The following GATC variants were observed in gnomAD, a reference collection of about 807,000 sequenced individuals.
The protein encoded by GATC is glutamyl-tRNA amidotransferase subunit C.
In GATC, 11 loss-of-function variants were observed where a neutral mutation model predicts 14.4. The ratio of observed to expected loss-of-function variants is 0.77; its 90% CI spans 0.48 to 1.27. The LOEUF (loss-of-function observed/expected upper bound fraction) is 1.27, where lower values mean the gene tolerates loss of function less well. GATC is among the 50% of genes most tolerant of loss of function. GATC has a pLI of 0.00. For missense variants in GATC, 204 were observed against 183.0 expected (o/e 1.11, Z -0.66); for synonymous variants, 76 against 79.3 (o/e 0.96, Z 0.22).
chr12:120,458,263 G>A (rs1389869534), intron 3 of GATC, among the ~76,000 whole-genome samples: 2 of 151,652 alleles, frequency 1.3e-5, no homozygotes, highest in African/African-American at 2.4e-5. Flanking sequence ...TAATATTTTT[G>A]TATTTTTAGT....
In GATC at chr12:120,461,861, A is replaced by G; in HGVS notation, c.*1902A>G. ...CAGTTTAAAATGTTTCACTGCTAAT[A>G]TGGCCCTGGTAGAAATTATGTAGTT... On this transcript the variant is annotated 3_prime_UTR_variant, in exon 4 of 4. Coordinates refer to ENST00000551765, the MANE Select transcript of GATC (RefSeq NM_176818.3). 1 of 735,300 alleles carries G rather than the reference A, an allele frequency of 1.4e-6. No homozygotes were observed. Among genetic ancestry groups the G allele is most frequent in the Non-Finnish European group, 2.0e-6 (1 of 502,684 alleles). 45.5% of individuals were successfully genotyped at this position (735,300 alleles called of 1,614,324 possible).
intron 2 of GATC, among the ~76,000 whole-genome samples, chr12:120,454,380 G>A (rs1485998446): frequency 2.0e-5 from 3 of 152,176 alleles, no homozygotes; most frequent in Non-Finnish European, 2.9e-5. Flanking sequence ...GATAAGTAAT[G>A]TGTAGCAATG....
chr12:120,458,793 A>G (rs545138005), intron 3 of GATC, among the ~76,000 whole-genome samples: 2 of 152,316 alleles, frequency 1.3e-5, no homozygotes, highest in South Asian at 4.1e-4. Context: ...GGTCAGCTTA[A>G]GGTGCCAGTT....
At chr12:120,459,322 T>C (rs1387803524) in intron 3 of GATC, among the ~76,000 whole-genome samples, 1 of 152,162 alleles carries the variant, frequency 6.6e-6, no homozygotes, top group Non-Finnish European at 1.5e-5. Flanking sequence ...AGACTTTGCT[T>C]TTTGGGACCA....
chr12:120,451,063 G>T (rs1227999521), intron 2 of GATC, among the ~76,000 whole-genome samples: 1 of 145,942 alleles, frequency 6.9e-6, no homozygotes, highest in Non-Finnish European at 1.5e-5. Context: ...AGAATTGCTT[G>T]AAATCAGGAG....
At chr12:120,451,875 C>CTTTTTTTTTTTCTTTTTTTTTTTTTT (rs1382761116) in intron 2 of GATC, among the ~76,000 whole-genome samples, 9 of 90,840 alleles carry the variant, frequency 9.9e-5, no homozygotes, top group African/African-American at 3.3e-4. Context: ...TATATAAATT[C>CTTTTTTTTTTTCTTTTTTTTTTTTTT]TTTTTTTTTT....
At chr12:120,455,255 G>T (rs920676257) in intron 2 of GATC, among the ~76,000 whole-genome samples, 21 of 150,886 alleles carry the variant, frequency 1.4e-4, no homozygotes, top group African/African-American at 4.9e-4. Context: ...TGCAACCTCC[G>T]CCTCCTGGGT....
In GATC at chr12:120,447,650, T is replaced by G. The variant is rs563272690; in HGVS notation, c.254+821T>G. ...CCTTCTAGTTAGTAACTCATCCTAT[T>G]GGGTTTTTTCCCTAACATTTTAATG... On this transcript the variant is annotated intron_variant, in intron 2 of 3. Transcript: ENST00000551765. Among the ~76,000 whole-genome samples, 22 of 152,260 alleles carry G rather than the reference T, an allele frequency of 1.4e-4. 1 individual carries two copies. The highest frequency in any genetic ancestry group is 1.4e-3 in the Admixed American group (22 of 15,256).
chr12:120,461,836 C>T lies in GATC; in HGVS notation c.*1877C>T. ...TTCTGAACCAAAACCACAATTTCTG[C>T]AGTTTAAAATGTTTCACTGCTAATA... On this transcript the variant is annotated 3_prime_UTR_variant, in exon 4 of 4. Coordinates refer to ENST00000551765, the MANE Select transcript of GATC (RefSeq NM_176818.3). The T allele has an allele frequency of 1.8e-6, 1 of 557,382 alleles. No individual in the cohort carries two copies. Among genetic ancestry groups the T allele is most frequent in the Non-Finnish European group, 2.8e-6 (1 of 356,312 alleles). The allele number at this position is 557,382 out of a possible 1,614,324, so 34.5% of individuals were successfully genotyped here. A position where few individuals can be genotyped will look rare whatever the true frequency, so the allele number is the denominator to read the frequency against.
At chr12:120,459,203 G>A (rs149238085) in intron 3 of GATC, among the ~76,000 whole-genome samples, 1 of 152,114 alleles carries the variant, frequency 6.6e-6, no homozygotes, top group Non-Finnish European at 1.5e-5. Context: ...TAAACCACCT[G>A]TTAACTGTGG....
intron 2 of GATC, among the ~76,000 whole-genome samples, chr12:120,449,879 C>CA (rs1358147287): frequency 1.3e-5 from 2 of 152,146 alleles, no homozygotes; most frequent in Admixed American, 6.5e-5. Context: ...TCTCCTGCCT[C>CA]AGCCTCCCAA....
At chr12:120,459,624 A>G (rs536528120) in intron 3 of GATC, among the ~76,000 whole-genome samples, 26 of 152,296 alleles carry the variant, frequency 1.7e-4, no homozygotes, top group Middle Eastern at 6.8e-3. Context: ...TGGGAGGCCG[A>G]GGAGGGCGGA....
At chr12:120,458,956 G>A (rs1484549731) in intron 3 of GATC, among the ~76,000 whole-genome samples, 3 of 152,052 alleles carry the variant, frequency 2.0e-5, no homozygotes, top group African/African-American at 7.3e-5. Flanking sequence ...CACCTTCCAC[G>A]TTCATGCCAT....
At chr12:120,449,808 G>A (rs770014788) in intron 2 of GATC, among the ~76,000 whole-genome samples, 1 of 151,154 alleles carries the variant, frequency 6.6e-6, no homozygotes, top group African/African-American at 2.4e-5. Context: ...CGTTGCCCAG[G>A]CTGGAGTGCA....
At chr12:120,456,981 T>C (rs1878201849) in intron 2 of GATC, 95 bp from the exon 3 acceptor site, 3 of 781,296 alleles carry the variant, frequency 3.8e-6, no homozygotes, top group Non-Finnish European at 6.8e-6. Context: ...CTCAAGAATA[T>C]ACTGCTTCCT....
chr12:120,455,930 CCCA>C (rs1314192695), intron 2 of GATC, among the ~76,000 whole-genome samples: 2 of 152,162 alleles, frequency 1.3e-5, no homozygotes, highest in African/African-American at 4.8e-5. Context: ...TCGTGATCCG[CCCA>C]CCTCGGCCTC....
chr12:120,454,809 C>G, intron 2 of GATC: 1 of 178,502 alleles, frequency 5.6e-6, no homozygotes, highest in Non-Finnish European at 1.2e-5. Flanking sequence ...TTTTATTTTA[C>G]TTTTGTTCTC....
At chr12:120,453,829 AAAACAAC>A (rs1446811336) in intron 2 of GATC, among the ~76,000 whole-genome samples, 1 of 138,678 alleles carries the variant, frequency 7.2e-6, no homozygotes, top group African/African-American at 2.5e-5. Flanking sequence ...AAAAAAAAGT[AAAACAAC>A]AACAACAACA....
chr12:120,448,251 C>T (rs1160751510), intron 2 of GATC, among the ~76,000 whole-genome samples: 2 of 151,590 alleles, frequency 1.3e-5, no homozygotes, highest in African/African-American at 4.9e-5. Context: ...GAAACGGGGT[C>T]TTGCCATGTT....
Sources: allele counts gnomAD v4.1 joint callset (sites outside exome capture counted in the v4.1 genomes callset), GRCh38; gene constraint gnomAD v4.1.1; transcripts MANE v1.5; gene names NCBI Gene and HGNC (gene_info 2026-07-23, HGNC 2026-07-21).